Variants in DLGAP1 observed in about 807,000 individuals in gnomAD.
DLGAP1 encodes DLG associated protein 1.
DLGAP1 carries 11 observed loss-of-function variants against 90.8 expected under a neutral mutation model. That is an observed-to-expected ratio of 0.12 (90% CI 0.08 to 0.20). The LOEUF is 0.20. Ranked by LOEUF, DLGAP1 falls within the 10% of genes least tolerant of loss-of-function variation. The probability of loss-of-function intolerance (pLI) is 1.00; values close to 1 mark genes in which losing one functional copy is unlikely to be tolerated. For missense variants in DLGAP1, 1,050 were observed against 1,333.8 expected (o/e 0.79, Z 3.31); for synonymous variants, 558 against 540.7 (o/e 1.03, Z -0.44).
Position 3,615,840 on chromosome 18 carries a change from T to C in DLGAP1, c.1592-33592A>G, listed in dbSNP as rs144638853. Among the ~76,000 whole-genome samples, 672 of 152,024 alleles carry C rather than the reference T, an allele frequency of 4.4e-3. 7 individuals carry two copies. Among genetic ancestry groups the C allele is most frequent in the African/African-American group, 0.015 (628 of 41,446 alleles). ...GTTTGATAAGAGAATGCATTTTAGG[T>C]GGGGAGGGGGCATTTTAGCAGGAAT... On this transcript the variant is annotated intron_variant, in intron 7 of 12. Transcript: ENST00000315677.
At chr18:3,880,959 A>AAG (rs1174814450) in intron 3 of DLGAP1, among the ~76,000 whole-genome samples, 12 of 150,384 alleles carry the variant, frequency 8.0e-5, no homozygotes, top group African/African-American at 2.2e-4. Flanking sequence ...AAAAAAAAAA[A>AAG]AAAAAAAAGA....
At chr18:4,335,676 G>A (rs1198157239) in intron 1 of DLGAP1, among the ~76,000 whole-genome samples, 3 of 152,132 alleles carry the variant, frequency 2.0e-5, no homozygotes, top group African/African-American at 7.2e-5. Flanking sequence ...CCAAGCTTAT[G>A]CACTAAACCT....
At chr18:4,090,125 A>C (rs2075753028) in intron 2 of DLGAP1, among the ~76,000 whole-genome samples, 1 of 152,220 alleles carries the variant, frequency 6.6e-6, no homozygotes, top group South Asian at 2.1e-4. Flanking sequence ...TTAAATGTAA[A>C]TCCCAAACTA....
intron 3 of DLGAP1, among the ~76,000 whole-genome samples, chr18:3,883,420 C>T (rs2071231866): frequency 6.6e-6 from 1 of 152,210 alleles, no homozygotes; most frequent in African/African-American, 2.4e-5. Flanking sequence ...CTCCTTTCTT[C>T]CTCCTGTCTC....
chr18:3,942,554 C>G (rs1342548979), intron 3 of DLGAP1, among the ~76,000 whole-genome samples: 1 of 152,160 alleles, frequency 6.6e-6, no homozygotes, highest in Admixed American at 6.5e-5. Context: ...TTTGTGCCAA[C>G]CAAATTTGTC....
intron 1 of DLGAP1, among the ~76,000 whole-genome samples, chr18:4,283,353 T>C (rs144603504): frequency 6.6e-6 from 1 of 152,230 alleles, no homozygotes; most frequent in African/African-American, 2.4e-5. Context: ...TAGAGAAATA[T>C]TTGTCTTTGA....
intron 1 of DLGAP1, among the ~76,000 whole-genome samples, chr18:4,423,520 T>C (rs1031721255): frequency 7.9e-5 from 12 of 152,084 alleles, no homozygotes; most frequent in African/African-American, 7.3e-5. Context: ...CAACAAAGTA[T>C]AGTAAATGAT....
chr18:4,193,429 G>A (rs1162376379), intron 1 of DLGAP1, among the ~76,000 whole-genome samples: 2 of 152,108 alleles, frequency 1.3e-5, no homozygotes, highest in Non-Finnish European at 2.9e-5. Context: ...CTCTGTGGCT[G>A]TATGAAAGTT....
chr18:4,357,398 C>A (rs982532946), intron 1 of DLGAP1, among the ~76,000 whole-genome samples: 18 of 152,012 alleles, frequency 1.2e-4, no homozygotes, highest in African/African-American at 4.3e-4. Flanking sequence ...AAATGATCCA[C>A]CCGCCTCGGC....
chr18:4,278,787 GGACACTTA>G (rs1345548641), intron 1 of DLGAP1, among the ~76,000 whole-genome samples: 2 of 150,342 alleles, frequency 1.3e-5, no homozygotes, highest in Admixed American at 1.3e-4. Flanking sequence ...ATCTGTTGAT[GGACACTTA>G]GACTGATACC....
In DLGAP1 at chr18:4,079,405, G is replaced by A. The variant is rs568478663; in HGVS notation, c.-159+71775C>T. Among the ~76,000 whole-genome samples the A allele has an allele frequency of 2.3e-3, 347 of 151,634 alleles. 2 individuals are homozygous for A. Among genetic ancestry groups the A allele is most frequent in the South Asian group, 6.7e-3 (32 of 4,790 alleles). ...TTCAGCAATTTGGATGGAGTTGGAG[G>A]CTATTATTCTAAGCAAAGTAACTCA... On this transcript the variant is annotated intron_variant, in intron 2 of 12. Coordinates refer to ENST00000315677, the MANE Select transcript of DLGAP1 (RefSeq NM_004746.4).
intron 1 of DLGAP1, among the ~76,000 whole-genome samples, chr18:4,279,641 T>A (rs1192571449): frequency 6.6e-6 from 1 of 152,236 alleles, no homozygotes; most frequent in Non-Finnish European, 1.5e-5. Flanking sequence ...TAAATGTGTC[T>A]AACGTATTGA....
chr18:4,388,229 T>G (rs2082274540), intron 1 of DLGAP1, among the ~76,000 whole-genome samples: 1 of 151,780 alleles, frequency 6.6e-6, no homozygotes, highest in Non-Finnish European at 1.5e-5. Context: ...CACAGTAAAG[T>G]AAAACATAGA....
chr18:3,813,333 C>T (rs113328689), intron 5 of DLGAP1, among the ~76,000 whole-genome samples: 1,976 of 152,244 alleles, frequency 0.013, 22 homozygotes, highest in South Asian at 0.021. Context: ...AGGTTTGCAA[C>T]TTAGGAGCAA....
chr18:4,103,480 G>C (rs1244458595), intron 2 of DLGAP1, among the ~76,000 whole-genome samples: 1 of 152,090 alleles, frequency 6.6e-6, no homozygotes, highest in Non-Finnish European at 1.5e-5. Context: ...AAAACCATTT[G>C]TGTTTGCTTA....
intron 4 of DLGAP1, among the ~76,000 whole-genome samples, chr18:3,841,198 C>T (rs780250415): frequency 6.6e-6 from 1 of 152,056 alleles, no homozygotes; most frequent in Non-Finnish European, 1.5e-5. Flanking sequence ...GCTATGGAAA[C>T]AGTAATCACA....
At chr18:3,638,772 A>G (rs2058816446) in intron 7 of DLGAP1, among the ~76,000 whole-genome samples, 1 of 152,226 alleles carries the variant, frequency 6.6e-6, no homozygotes, top group African/African-American at 2.4e-5. Flanking sequence ...TCAGGCAAAC[A>G]TTCAATATCA....
chr18:3,736,658 A>G (rs1193161705), intron 6 of DLGAP1, among the ~76,000 whole-genome samples: 1 of 152,236 alleles, frequency 6.6e-6, no homozygotes, highest in East Asian at 1.9e-4. Context: ...AGAGGAAACT[A>G]TTCTCCTTTG....
chr18:3,945,640 T>A (rs2072861740), intron 3 of DLGAP1, among the ~76,000 whole-genome samples: 1 of 152,220 alleles, frequency 6.6e-6, no homozygotes, highest in Non-Finnish European at 1.5e-5. Context: ...TTATGGGATT[T>A]TTAAGAGTTA....
Sources: allele counts gnomAD v4.1 joint callset (sites outside exome capture counted in the v4.1 genomes callset), GRCh38; gene constraint gnomAD v4.1.1; transcripts MANE v1.5; gene names NCBI Gene and HGNC (gene_info 2026-07-23, HGNC 2026-07-21).